The following KAZN variants were observed in gnomAD, a reference collection of about 807,000 sequenced individuals.
The protein encoded by KAZN is kazrin, periplakin interacting protein, also known as kazrin.
In KAZN, 40 loss-of-function variants were observed where a neutral mutation model predicts 87.4. The observed-to-expected ratio is 0.46, with a 90% CI of 0.36 to 0.60. The LOEUF (loss-of-function observed/expected upper bound fraction) is 0.60. Ranked by LOEUF, KAZN falls within the 20% of genes least tolerant of loss-of-function variation. KAZN has a pLI of 0.00. For missense variants in KAZN, 898 were observed against 1,073.9 expected, an observed-to-expected ratio of 0.84 and a Z score of 2.29; for synonymous variants, 466 against 458.3, an observed-to-expected ratio of 1.02 and a Z score of -0.22.
At chr1:14,197,702 C>A (rs551336977) in intron 2 of KAZN, among the ~76,000 whole-genome samples, 2 of 152,150 alleles carry the variant, frequency 1.3e-5, no homozygotes, top group South Asian at 4.2e-4. Flanking sequence ...AAAACAATAA[C>A]AACAACAAAA....
chr1:14,864,483 AC>A (rs1651224298), intron 1 of KAZN, among the ~76,000 whole-genome samples: 1 of 152,020 alleles, frequency 6.6e-6, no homozygotes, highest in South Asian at 2.1e-4. Flanking sequence ...AATCACTTGA[AC>A]CCGGGAGGTG....
intron 1 of KAZN, among the ~76,000 whole-genome samples, chr1:14,109,341 A>G (rs925737521): frequency 6.6e-6 from 1 of 152,216 alleles, no homozygotes; most frequent in African/African-American, 2.4e-5. Flanking sequence ...TTATGATGCT[A>G]TGAAAACTAA....
intron 1 of KAZN, among the ~76,000 whole-genome samples, chr1:14,755,022 G>A (rs895512530): frequency 3.3e-4 from 50 of 150,312 alleles, no homozygotes; most frequent in African/African-American, 1.2e-3. Flanking sequence ...CGGGAGGATC[G>A]CTTGAGCCCA....
At chr1:14,301,362 C>T (rs964768667) in intron 2 of KAZN, among the ~76,000 whole-genome samples, 24 of 152,360 alleles carry the variant, frequency 1.6e-4, no homozygotes, top group African/African-American at 4.8e-4. Flanking sequence ...TTCAAACCTG[C>T]GGATTCCTTC....
intron 2 of KAZN, among the ~76,000 whole-genome samples, chr1:14,539,929 A>C (rs1672711286): frequency 6.6e-6 from 1 of 152,176 alleles, no homozygotes; most frequent in Non-Finnish European, 1.5e-5. Context: ...GATCTCAATG[A>C]CATGTGAATA....
At chr1:14,043,937 A>G (rs1379787341) in intron 1 of KAZN, among the ~76,000 whole-genome samples, 1 of 152,202 alleles carries the variant, frequency 6.6e-6, no homozygotes, top group Admixed American at 6.5e-5. Context: ...ATGTATTGTT[A>G]GCTTGGACAG....
At chr1:14,479,763 C>T (rs545957697) in intron 2 of KAZN, among the ~76,000 whole-genome samples, 100 of 152,262 alleles carry the variant, frequency 6.6e-4, no homozygotes, top group African/African-American at 2.0e-3. Context: ...TTTCCAAACG[C>T]CCAGGGAGGA....
chr1:14,039,461 G>C (rs1641706770), intron 1 of KAZN, among the ~76,000 whole-genome samples: 1 of 152,210 alleles, frequency 6.6e-6, no homozygotes, highest in Non-Finnish European at 1.5e-5. Context: ...TAAGTTCTGA[G>C]ACGACCCTAA....
intron 2 of KAZN, among the ~76,000 whole-genome samples, chr1:15,027,421 T>C (rs1336041190): frequency 1.3e-5 from 2 of 152,166 alleles, no homozygotes; most frequent in African/African-American, 2.4e-5. Flanking sequence ...GCCTAAGAGT[T>C]GGGAGACCTC....
intron 2 of KAZN, among the ~76,000 whole-genome samples, chr1:14,504,943 G>A (rs1470384562): frequency 1.3e-5 from 2 of 152,146 alleles, no homozygotes; most frequent in African/African-American, 4.8e-5. Context: ...CTGATTAGAA[G>A]GTTACAGGGT....
chr1:13,974,597 T>G (rs904608158), intron 1 of KAZN, among the ~76,000 whole-genome samples: 2 of 152,174 alleles, frequency 1.3e-5, no homozygotes, highest in African/African-American at 4.8e-5. Context: ...GAAGACAATG[T>G]GACCATGGAG....
intron 1 of KAZN, among the ~76,000 whole-genome samples, chr1:14,728,112 C>G (rs1643492888): frequency 6.6e-6 from 1 of 151,510 alleles, no homozygotes; most frequent in Non-Finnish European, 1.5e-5. Flanking sequence ...ACGGTGAAAC[C>G]TCGTCTCTAC....
intron 1 of KAZN, among the ~76,000 whole-genome samples, chr1:14,904,309 G>GAAAAAAA (rs34880967): frequency 7.3e-6 from 1 of 137,858 alleles, no homozygotes. Context: ...CGTCTCAAAA[G>GAAAAAAA]AAAAAAAAAA....
At chr1:14,007,108 G>A (rs1640070140) in intron 1 of KAZN, among the ~76,000 whole-genome samples, 1 of 151,926 alleles carries the variant, frequency 6.6e-6, no homozygotes, top group Admixed American at 6.6e-5. Flanking sequence ...GAATGGTATT[G>A]TTTTCTTGAT....
At chr1:14,057,396 G>A (rs770777189) in intron 1 of KAZN, among the ~76,000 whole-genome samples, 1 of 152,138 alleles carries the variant, frequency 6.6e-6, no homozygotes, top group Non-Finnish European at 1.5e-5. Flanking sequence ...GCCTCCCAAA[G>A]TGCTGGGATT....
chr1:14,673,481 A>G (rs915207727), intron 1 of KAZN, among the ~76,000 whole-genome samples: 8 of 152,190 alleles, frequency 5.3e-5, no homozygotes, highest in African/African-American at 1.9e-4. Flanking sequence ...GGCATGCATG[A>G]TGTGAAGGCA....
chr1:14,328,880 G>A (rs1405718426), intron 2 of KAZN, among the ~76,000 whole-genome samples: 2 of 151,972 alleles, frequency 1.3e-5, no homozygotes, highest in South Asian at 4.2e-4. Context: ...AAATATGTTG[G>A]GAGGGTGACA....
At position 14,930,812 on chromosome 1, in the gene KAZN, C is replaced by T. The variant is rs556292497; in HGVS notation, c.227-29872C>T. On this transcript the variant is annotated intron_variant, in intron 1 of 14. Coordinates refer to ENST00000376030, the MANE Select transcript of KAZN (RefSeq NM_201628.3). The stretch of plus-strand genomic sequence containing the variant: ...ACAGGACTTTTCTTCCTGGCACCTT[C>T]GGCTCACTGGCTTGCCAATCAGCCA... 5.6e-5 allele frequency among the ~76,000 whole-genome samples: 8 copies of T among 141,726 alleles called. No homozygotes were observed. The East Asian group carries it at 1.4e-3, about 24-fold the overall frequency. 93.0% of individuals were successfully genotyped at this position (141,726 alleles called of 152,430 possible). A position where few individuals can be genotyped will look rare whatever the true frequency, so the allele number is the denominator to read the frequency against.
intron 2 of KAZN, among the ~76,000 whole-genome samples, chr1:14,458,220 T>C (rs1452991053): frequency 6.6e-6 from 1 of 152,244 alleles, no homozygotes; most frequent in Non-Finnish European, 1.5e-5. Context: ...TATTTGATTA[T>C]TGATGCTATA....
Sources: allele counts gnomAD v4.1 joint callset (sites outside exome capture counted in the v4.1 genomes callset), GRCh38; gene constraint gnomAD v4.1.1; transcripts MANE v1.5; gene names NCBI Gene and HGNC (gene_info 2026-07-23, HGNC 2026-07-21).